The following ENO3 variants were observed in gnomAD, a reference collection of about 807,000 sequenced individuals.
ENO3 encodes the protein enolase 3.
Under a neutral mutation model 47.7 loss-of-function variants are expected in ENO3, and 46 were observed. That is an observed-to-expected ratio of 0.96 (90% CI 0.76 to 1.23). The LOEUF (loss-of-function observed/expected upper bound fraction) is 1.23. ENO3 is among the 50% of genes most tolerant of loss of function. The pLI, the probability that ENO3 is intolerant of heterozygous loss-of-function variation, is 0.00. For missense variants in ENO3, 575 were observed against 566.2 expected, an observed-to-expected ratio of 1.02 and a Z score of -0.16; for synonymous variants, 223 against 225.9, an observed-to-expected ratio of 0.99 and a Z score of 0.11.
At chr17:4,953,140 C>T (rs1971602941) in intron 4 of ENO3, 31 bp downstream of exon 4, 2 of 1,614,014 alleles carry the variant, frequency 1.2e-6, no homozygotes, top group Admixed American at 3.3e-5. Flanking sequence ...GCTGCAGCCT[C>T]CTCCCCATGC....
At chr17:4,950,807 C>T (rs772526155), upstream of ENO3, among the ~76,000 whole-genome samples, 11 of 152,120 alleles carry the variant, frequency 7.2e-5, no homozygotes, top group Non-Finnish European at 1.2e-4. Flanking sequence ...GTCACTCATT[C>T]CTCTTGACGT....
intron 9 of ENO3, 91 bp downstream of exon 9, chr17:4,956,234 C>G: frequency 6.8e-7 from 1 of 1,466,552 alleles, no homozygotes; most frequent in Non-Finnish European, 9.4e-7. Flanking sequence ...CAACTCCAAG[C>G]TTACCTTTCC....
At chr17:4,956,780 C>T (rs367559124) in intron 10 of ENO3, 51 bp from the exon 11 acceptor site, 11 of 1,614,022 alleles carry the variant, frequency 6.8e-6, no homozygotes, top group South Asian at 1.1e-5. Flanking sequence ...CCAGGTCCAA[C>T]CCCTCCTTTC....
intron 6 of ENO3, 79 bp from the exon 7 acceptor site, chr17:4,954,996 A>T: frequency 7.4e-7 from 1 of 1,359,756 alleles, no homozygotes; most frequent in Non-Finnish European, 1.0e-6. Context: ...CCAGGTTTCC[A>T]CCCCAACACC....
In ENO3 at chr17:4,952,885, G is replaced by A. The variant is rs935129522; in HGVS notation, c.176G>A (p.Gly59Glu). Residue 59 changes from glycine (G) to glutamate (E), a missense_variant, in exon 3 of 12, where the codon GGG becomes GAG. Transcript: ENST00000519602. The part of the protein sequence containing the change: ...LRDGDKGRYL[G>E]KGVLKAVENI... ...GACGGAGACAAAGGCCGCTACCTGG[G>A]GAAAGGTGAGGAGACACCAGCGCAG... 2.5e-6 allele frequency: 4 copies of A among 1,612,130 alleles called. No homozygotes were observed. The African/African-American group carries it at 4.0e-5, about 16-fold the overall frequency.
chr17:4,951,273 T>A lies in ENO3; in HGVS notation c.-3+91T>A, dbSNP rs974104773. On this transcript the variant is annotated intron_variant, in intron 1 of 11. Transcript: ENST00000519602. Reference sequence around the variant, plus strand: ...GAAGTGGGGGACATTTCTGCTTTTTTTCCTCCTGGGACTGGAGATGCTTGA... The same window carrying A: ...GAAGTGGGGGACATTTCTGCTTTTTATCCTCCTGGGACTGGAGATGCTTGA... 10 of 1,007,940 alleles carry A rather than the reference T, an allele frequency of 9.9e-6. No individual in the cohort carries two copies. In the East Asian group the frequency reaches 9.6e-4, roughly 97 times the overall value. 62.4% of individuals were successfully genotyped at this position (1,007,940 alleles called of 1,614,324 possible).
At chr17:4,953,566 G>A in intron 5 of ENO3, 146 bp from the exon 6 acceptor site, 1 of 1,504,212 alleles carries the variant, frequency 6.6e-7, no homozygotes, top group Non-Finnish European at 9.2e-7. Flanking sequence ...CGGGGTGGGG[G>A]TTCCCAGGGC....
At position 4,955,710 on chromosome 17, in the gene ENO3, T is replaced by G. The variant is rs763851848; in HGVS notation, c.865+106T>G. On this transcript the variant is annotated intron_variant, in intron 8 of 11. Transcript: ENST00000519602. ...CCATCGACTTGGATCCTTCCAATTC[T>G]TAGCCCCATTAAAATCCCCATTTAA... 24 of 1,516,216 alleles carry G rather than the reference T, an allele frequency of 1.6e-5. 1 individual carries two copies. In the South Asian group the frequency reaches 2.6e-4, roughly 16 times the overall value. 93.9% of individuals were successfully genotyped at this position (1,516,216 alleles called of 1,614,324 possible). A position where few individuals can be genotyped will look rare whatever the true frequency, so the allele number is the denominator to read the frequency against.
At chr17:4,952,958 A>G (rs1971595465) in intron 3 of ENO3, 68 bp downstream of exon 3, 2 of 1,610,732 alleles carry the variant, frequency 1.2e-6, no homozygotes, top group Non-Finnish European at 1.7e-6. Flanking sequence ...CAATGGGTAG[A>G]GGACTGGAAC....
rs532331697 is a variant in ENO3 at position 4,953,695 on chromosome 17, C to T, written c.311-17C>T. 13 of 1,614,238 alleles carry T rather than the reference C, an allele frequency of 8.1e-6. No homozygotes were observed. The highest frequency in any genetic ancestry group is 4.5e-5 in the East Asian group (2 of 44,884). ...TGCAGAAGCTCTCATCCTTTCTTCC[C>T]GCTTGCCTCCTTCCAGCCAAGTTTG... On this transcript the variant is annotated splice_polypyrimidine_tract_variant and intron_variant, in intron 5 of 11. Transcript: ENST00000519602.
In ENO3 at chr17:4,953,293, GA is replaced by G; in HGVS notation, c.267del (p.Val90LeufsTer5). 1 of 1,614,214 alleles carries G rather than the reference GA, an allele frequency of 6.2e-7. No homozygotes were observed. The highest frequency in any genetic ancestry group is 8.5e-7 in the Non-Finnish European group (1 of 1,180,046). ...CCAGAAACTAAGCGTTGTGGATCAA[GA>G]AAAAGTTGACAAATTTATGATTGAG... is the stretch of plus-strand genomic sequence containing the variant. ...LQKKLSVVDQ[E>X]KVDKFMIELD... On this transcript the variant is annotated frameshift_variant, in exon 5 of 12. Coordinates refer to ENST00000519602, the MANE Select transcript of ENO3 (RefSeq NM_053013.4). LOFTEE classifies it high-confidence loss of function.
upstream of ENO3, chr17:4,950,482 C>A: frequency 1.2e-6 from 1 of 852,160 alleles, no homozygotes; most frequent in Non-Finnish European, 1.4e-6. Context: ...GCGACAAGTG[C>A]TGTCCCAGCG....
upstream of ENO3, chr17:4,950,948 A>G (rs978262986): frequency 5.6e-5 from 47 of 846,642 alleles, no homozygotes; most frequent in Non-Finnish European, 6.5e-5. Context: ...ATAGTAGTTG[A>G]CCTTTGGTAA....
rs1480269679 is a variant in ENO3 at position 4,955,479 on chromosome 17, C to T, written c.740C>T (p.Ala247Val). ...AAGGTGGTGATCGGCATGGATGTGG[C>T]AGCATCTGAGTTCTATCGCAATGGG... ...PDKVVIGMDV[A>V]ASEFYRNGKY... Residue 247 changes from alanine (A) to valine (V), a missense_variant, in exon 8 of 12, where the codon GCA becomes GTA. Ala to Val is a moderately conservative substitution (Grantham distance 64, BLOSUM62 0). Coordinates refer to ENST00000519602, the MANE Select transcript of ENO3 (RefSeq NM_053013.4). 18 of 1,614,116 alleles carry T rather than the reference C, an allele frequency of 1.1e-5. No individual in the cohort carries two copies. The highest frequency in any genetic ancestry group is 1.5e-5 in the Non-Finnish European group (18 of 1,180,048).
chr17:4,951,667 G>T (rs1419302416), intron 1 of ENO3, 161 bp from the exon 2 acceptor site: 2 of 734,570 alleles, frequency 2.7e-6, no homozygotes, highest in East Asian at 2.7e-5. Flanking sequence ...CTGAGTGGGG[G>T]AGGGGGCTGC....
At chr17:4,951,690 G>T in intron 1 of ENO3, 138 bp from the exon 2 acceptor site, 3 of 917,532 alleles carry the variant, frequency 3.3e-6, no homozygotes, top group Non-Finnish European at 5.3e-6. Flanking sequence ...CTGCCTCTTT[G>T]GTCTGTGACC....
chr17:4,953,239 C>T (rs1208323479), intron 4 of ENO3, 33 bp from the exon 5 acceptor site: 1 of 1,613,988 alleles, frequency 6.2e-7, no homozygotes, highest in East Asian at 2.2e-5. Flanking sequence ...GAAATCTGAC[C>T]TCTGCTCTCC....
chr17:4,953,852 G>A lies in ENO3; in HGVS notation c.444+7G>A, dbSNP rs1225831784. Reference sequence around the variant, plus strand: ...CCTCATACTCCCAGTGCCAGTGAGTGCAGCTACCCGCCCTTCCCAGATCTC... The same window carrying A: ...CCTCATACTCCCAGTGCCAGTGAGTACAGCTACCCGCCCTTCCCAGATCTC... On this transcript the variant is annotated splice_region_variant and intron_variant, in intron 6 of 11. Coordinates refer to ENST00000519602, the MANE Select transcript of ENO3 (RefSeq NM_053013.4). 1 of 1,614,092 alleles carries A rather than the reference G, an allele frequency of 6.2e-7. No homozygotes were observed. Among genetic ancestry groups the A allele is most frequent in the Admixed American group, 1.7e-5 (1 of 60,008 alleles).
intron 1 of ENO3, among the ~76,000 whole-genome samples, chr17:4,951,523 G>A (rs1971538075): frequency 6.6e-6 from 1 of 152,102 alleles, no homozygotes; most frequent in Non-Finnish European, 1.5e-5. Flanking sequence ...CAGACTGCTT[G>A]ACCAGAGGGG....
Sources: allele counts gnomAD v4.1 joint callset (sites outside exome capture counted in the v4.1 genomes callset), GRCh38; gene constraint gnomAD v4.1.1; transcripts MANE v1.5; gene names NCBI Gene and HGNC (gene_info 2026-07-23, HGNC 2026-07-21).